Variants in GMPR observed in about 807,000 individuals in gnomAD.
GMPR encodes the protein guanosine monophosphate reductase.
Under a neutral mutation model 38.4 loss-of-function variants are expected in GMPR, and 31 were observed. That is an observed-to-expected ratio of 0.81 (90% CI 0.61 to 1.09). The LOEUF (loss-of-function observed/expected upper bound fraction) is 1.09. Among genes scored for constraint, GMPR ranks in the 50% least tolerant of loss-of-function variants. GMPR has a pLI of 0.00. For missense variants in GMPR, 468 were observed against 453.7 expected, an observed-to-expected ratio of 1.03 and a Z score of -0.29; for synonymous variants, 162 against 173.3, an observed-to-expected ratio of 0.93 and a Z score of 0.51.
chr6:16,264,838 T>A (rs1196956086), intron 4 of GMPR, among the ~76,000 whole-genome samples: 1 of 152,192 alleles, frequency 6.6e-6, no homozygotes, highest in African/African-American at 2.4e-5. Context: ...CATCTGGATG[T>A]GTACATGCAG....
chr6:16,284,677 G>A (rs765375416), intron 6 of GMPR, among the ~76,000 whole-genome samples: 1 of 152,188 alleles, frequency 6.6e-6, no homozygotes. Flanking sequence ...GGCTACATTA[G>A]GAATAGCAGG....
At chr6:16,239,917 C>T (rs936388727) in intron 1 of GMPR, among the ~76,000 whole-genome samples, 2 of 152,202 alleles carry the variant, frequency 1.3e-5, no homozygotes, top group Admixed American at 1.3e-4. Context: ...ATGATTAAAA[C>T]TTATCGCCCC....
In GMPR at chr6:16,266,599, A is replaced by G. The variant is rs576966119; in HGVS notation, c.466-7816A>G. 3.4e-3 allele frequency among the ~76,000 whole-genome samples: 515 copies of G among 151,626 alleles called. 1 individual carries two copies. The highest frequency in any genetic ancestry group is 5.4e-3 in the Non-Finnish European group (368 of 67,826). Reference sequence around the variant, plus strand: ...GGGTGGATCACCAGGTCAGGAGATCATAACCATCCTGGCTAACACGGTGAA... The same window carrying G: ...GGGTGGATCACCAGGTCAGGAGATCGTAACCATCCTGGCTAACACGGTGAA... On this transcript the variant is annotated intron_variant, in intron 4 of 8. Transcript: ENST00000259727.
intron 7 of GMPR, among the ~76,000 whole-genome samples, chr6:16,289,154 C>G (rs992850334): frequency 6.6e-6 from 1 of 152,178 alleles, no homozygotes; most frequent in Non-Finnish European, 1.5e-5. Context: ...GTGCTATTTG[C>G]CGGGAAGGTC....
chr6:16,290,717 A>G (rs961859597), intron 8 of GMPR, 96 bp downstream of exon 8: 12 of 1,024,918 alleles, frequency 1.2e-5, no homozygotes, highest in African/African-American at 1.6e-5. Flanking sequence ...CTCTGTGTAT[A>G]TTAAAGTACC....
intron 4 of GMPR, among the ~76,000 whole-genome samples, chr6:16,273,756 T>C (rs866338029): frequency 1.3e-5 from 2 of 152,226 alleles, no homozygotes; most frequent in Middle Eastern, 3.4e-3. Context: ...ACTAAAGATA[T>C]TAATTACCAA....
chr6:16,269,798 A>AAAAT (rs891237276), intron 4 of GMPR, among the ~76,000 whole-genome samples: 1 of 152,350 alleles, frequency 6.6e-6, no homozygotes, highest in South Asian at 2.1e-4. Flanking sequence ...CCCTGTCTCA[A>AAAAT]AAATAAATAA....
At chr6:16,264,536 C>T (rs1419452632) in intron 4 of GMPR, 2 of 152,428 alleles carry the variant, frequency 1.3e-5, no homozygotes, top group Admixed American at 6.6e-5. Context: ...AGCAACATGG[C>T]TGTTTATTTC....
intron 3 of GMPR, among the ~76,000 whole-genome samples, chr6:16,253,516 T>C (rs1280413250): frequency 6.6e-6 from 1 of 152,062 alleles, no homozygotes; most frequent in African/African-American, 2.4e-5. Context: ...CCAGATCTCC[T>C]GTGAACTCAG....
At chr6:16,264,372 C>T in intron 4 of GMPR, 1 of 252,440 alleles carries the variant, frequency 4.0e-6, no homozygotes, top group Non-Finnish European at 7.8e-6. Context: ...GTTTCTTGGG[C>T]TGGTCGGTCC....
At chr6:16,242,868 C>T (rs753279052) in intron 1 of GMPR, among the ~76,000 whole-genome samples, 5 of 152,162 alleles carry the variant, frequency 3.3e-5, no homozygotes, top group Non-Finnish European at 7.3e-5. Context: ...GAACTCTCGA[C>T]CTCAGGTGAT....
At chr6:16,262,951 A>T (rs1276450476) in intron 4 of GMPR, 2 of 152,038 alleles carry the variant, frequency 1.3e-5, no homozygotes, top group Admixed American at 6.6e-5. Flanking sequence ...ACTGTAAGCC[A>T]GACTGTGTGT....
rs529570657 is a variant in GMPR, at chr6:16,266,622, G to A, written c.466-7793G>A. On this transcript the variant is annotated intron_variant, in intron 4 of 8. Coordinates refer to ENST00000259727, the MANE Select transcript of GMPR (RefSeq NM_006877.4). ...TCATAACCATCCTGGCTAACACGGT[G>A]AAACCCCATCTCTACTAAAAGTACA... Among the ~76,000 whole-genome samples the A allele has an allele frequency of 1.1e-4, 16 of 151,732 alleles. No homozygotes were observed. The East Asian group carries it at 3.1e-3, about 30-fold the overall frequency.
chr6:16,286,988 C>G (rs777484165), intron 7 of GMPR, among the ~76,000 whole-genome samples: 59 of 152,300 alleles, frequency 3.9e-4, no homozygotes, highest in Middle Eastern at 3.4e-3. Flanking sequence ...GGGCAGTGTT[C>G]TTAGCAACAA....
chr6:16,266,551 C>T (rs1180445479), intron 4 of GMPR, among the ~76,000 whole-genome samples: 2 of 151,150 alleles, frequency 1.3e-5, no homozygotes, highest in Non-Finnish European at 3.0e-5. Flanking sequence ...GCCTGTAATC[C>T]TGGCACTTTG....
At chr6:16,249,967 C>G (rs2113671603) in intron 2 of GMPR, among the ~76,000 whole-genome samples, 1 of 152,126 alleles carries the variant, frequency 6.6e-6, no homozygotes, top group South Asian at 2.1e-4. Flanking sequence ...TGGCCTAATA[C>G]AGGTGTGGGT....
At chr6:16,279,799 G>A (rs965935465) in intron 6 of GMPR, among the ~76,000 whole-genome samples, 2 of 152,178 alleles carry the variant, frequency 1.3e-5, no homozygotes, top group African/African-American at 4.8e-5. Flanking sequence ...CTTTAAGGAT[G>A]GGACTTCTCC....
chr6:16,271,812 G>A (rs1759392847), intron 4 of GMPR, among the ~76,000 whole-genome samples: 1 of 152,174 alleles, frequency 6.6e-6, no homozygotes, highest in Admixed American at 6.5e-5. Context: ...GCATTTTGGT[G>A]TATTTTTTCA....
intron 4 of GMPR, chr6:16,262,210 C>T (rs1449631132): frequency 6.6e-6 from 1 of 151,594 alleles, no homozygotes; most frequent in African/African-American, 2.4e-5. Flanking sequence ...AGCTCGGCAT[C>T]CGTGATGGTC....
Sources: allele counts gnomAD v4.1 joint callset (sites outside exome capture counted in the v4.1 genomes callset), GRCh38; gene constraint gnomAD v4.1.1; transcripts MANE v1.5; gene names NCBI Gene and HGNC (gene_info 2026-07-23, HGNC 2026-07-21).